The following ARID1A variants were observed in gnomAD, a reference collection of about 807,000 sequenced individuals.
ARID1A encodes AT-rich interactive domain-containing protein 1A.
A neutral mutation model predicts 212.6 loss-of-function variants in ARID1A; 20 were observed. The ratio of observed to expected loss-of-function variants is 0.09; its 90% CI spans 0.07 to 0.14. The LOEUF (loss-of-function observed/expected upper bound fraction) is 0.14, where lower values mean the gene tolerates loss of function less well. Among genes scored for constraint, ARID1A ranks in the 10% least tolerant of loss-of-function variants. The pLI is 1.00. For missense variants in ARID1A, 2,587 were observed against 3,059.0 expected (o/e 0.85, Z 3.64); for synonymous variants, 1,376 against 1,222.1 (o/e 1.13, Z -2.63).
chr1:26,759,201 G>GTGTT (rs1010278743), intron 4 of ARID1A, among the ~76,000 whole-genome samples: 21 of 152,008 alleles, frequency 1.4e-4, no homozygotes, highest in African/African-American at 2.7e-4. Flanking sequence ...TTGTTTTTGT[G>GTGTT]TGTTTGTTTG....
intron 1 of ARID1A, among the ~76,000 whole-genome samples, chr1:26,705,876 A>G (rs1482371422): frequency 6.6e-6 from 1 of 152,168 alleles, no homozygotes; most frequent in African/African-American, 2.4e-5. Flanking sequence ...TGGCTTCTGC[A>G]TTTTCTAAGG....
At position 26,697,330 on chromosome 1, in the gene ARID1A, G is replaced by A. The variant is rs773053567; in HGVS notation, c.927G>A (p.Gln309=). The A allele has an allele frequency of 6.6e-5, 88 of 1,336,344 alleles. No homozygotes were observed. The highest frequency in any genetic ancestry group is 8.1e-5 in the Admixed American group (2 of 24,838). 82.8% of individuals were successfully genotyped at this position (1,336,344 alleles called of 1,614,324 possible). The change falls in exon 1 of 20, where the codon CAG becomes CAA. Residue 309 remains glutamine, a synonymous_variant. Coordinates refer to ENST00000324856, the MANE Select transcript of ARID1A (RefSeq NM_006015.6). ...LTSPSSARGY[Q]GYPGGDYSGG... The stretch of plus-strand genomic sequence containing the variant: ...CGCCCAGCTCGGCCCGGGGCTACCA[G>A]GGCTACCCCGGGGGCGACTACAGTG...
chr1:26,716,507 T>G (rs1379799812), intron 1 of ARID1A, among the ~76,000 whole-genome samples: 2 of 152,200 alleles, frequency 1.3e-5, no homozygotes, highest in African/African-American at 4.8e-5. Flanking sequence ...CTTGAGATCT[T>G]AGGATGGGTG....
chr1:26,782,040 C>T lies in ARID1A; in HGVS notation c.*1284C>T, dbSNP rs1165063956. The T allele has an allele frequency of 4.3e-6, 1 of 231,216 alleles. No individual in the cohort carries two copies. The highest frequency in any genetic ancestry group is 8.6e-6 in the Non-Finnish European group (1 of 116,716). 14.3% of individuals were successfully genotyped at this position (231,216 alleles called of 1,614,324 possible). A position where few individuals can be genotyped will look rare whatever the true frequency, so the allele number is the denominator to read the frequency against. ...TTTGGCTTAATGAATATCATTTATT[C>T]AGTATGAAATCTTTATACTATATGT... On this transcript the variant is annotated 3_prime_UTR_variant, in exon 20 of 20. Transcript: ENST00000324856.
At position 26,780,626 on chromosome 1, in the gene ARID1A, A is replaced by C. The variant is rs770921107; in HGVS notation, c.6728A>C (p.Lys2243Thr). 4 of 1,613,244 alleles carry C rather than the reference A, an allele frequency of 2.5e-6. No homozygotes were observed. The highest frequency in any genetic ancestry group is 3.4e-6 in the Non-Finnish European group (4 of 1,180,006). ...GCCCGCGCGCTGCTTGCCTTGGCCA[A>C]GGTGGACGAGAACCACTCAGAGTTT... ...RAARALLALA[K>T]VDENHSEFTL... is the part of the protein sequence containing the mutation. Residue 2243 changes from lysine (K) to threonine (T), a missense_variant, in exon 20 of 20, where the codon AAG becomes ACG. By Grantham distance (78) the Lys-to-Thr change is moderately conservative. Coordinates refer to ENST00000324856, the MANE Select transcript of ARID1A (RefSeq NM_006015.6). The surrounding 1 kb of genome is among the most constrained non-coding windows in gnomAD (Gnocchi z 7.2).
chr1:26,756,398 A>T lies in ARID1A; in HGVS notation c.1921-4458A>T, dbSNP rs1267956294. 5.9e-5 allele frequency among the ~76,000 whole-genome samples: 9 copies of T among 152,126 alleles called. No individual in the cohort carries two copies. In the East Asian group the frequency reaches 1.8e-3, roughly 30 times the overall value. ...TGTTGAAACCCCGTCTCTACTAAAAATACAAAAATTAACTGGGTGTGGTGG... is the reference window on the plus strand; with the variant it reads ...TGTTGAAACCCCGTCTCTACTAAAATTACAAAAATTAACTGGGTGTGGTGG... On this transcript the variant is annotated intron_variant, in intron 4 of 19. Coordinates refer to ENST00000324856, the MANE Select transcript of ARID1A (RefSeq NM_006015.6).
rs2124097906 is a variant in ARID1A at position 26,771,260 on chromosome 1, C to G, written c.3340C>G (p.Pro1114Ala). The stretch of plus-strand genomic sequence containing the variant: ...CAAGATTGAACGGGGAGAAGACCCT[C>G]CCCCAGACATCTTTGCAGCTGCTGA... ...ECKIERGEDP[P>A]PDIFAAADSK... The change falls in exon 12 of 20, where the codon CCC becomes GCC. Residue 1114 changes from proline to alanine, a missense_variant. Around this residue, in one of 11 missense-constraint regions of ARID1A, gnomAD observed 890 missense variants for 1,098.2 expected, o/e 0.81. Coordinates refer to ENST00000324856, the MANE Select transcript of ARID1A (RefSeq NM_006015.6). This position sits in a 1 kb window ranked among gnomAD's most constrained non-coding sequence, Gnocchi z 5.4. 1.2e-6 allele frequency: 2 copies of G among 1,614,192 alleles called. No individual in the cohort carries two copies. The highest frequency in any genetic ancestry group is 2.7e-5 in the African/African-American group (2 of 75,040).
intron 1 of ARID1A, among the ~76,000 whole-genome samples, chr1:26,717,281 G>A (rs2080512564): frequency 6.6e-6 from 1 of 152,190 alleles, no homozygotes; most frequent in Admixed American, 6.5e-5. Flanking sequence ...CTCCTATTGA[G>A]GGTGCAGAGA....
chr1:26,701,196 A>G (rs1001532409), intron 1 of ARID1A, among the ~76,000 whole-genome samples: 1 of 152,338 alleles, frequency 6.6e-6, no homozygotes, highest in Non-Finnish European at 1.5e-5. Context: ...TCCTGTTCCC[A>G]TCCCTCAAAA....
rs201173666 is a variant in ARID1A, at chr1:26,725,416, G to A, written c.1138-4235G>A. Reference sequence around the variant, plus strand: ...TTCACGATGGTTTTAAATGTCATAAGTGTGAGTTATGTCCCTGCTCACCTC... The same window carrying A: ...TTCACGATGGTTTTAAATGTCATAAATGTGAGTTATGTCCCTGCTCACCTC... On this transcript the variant is annotated intron_variant, in intron 1 of 19. Coordinates refer to ENST00000324856, the MANE Select transcript of ARID1A (RefSeq NM_006015.6). Among the ~76,000 whole-genome samples the A allele has an allele frequency of 3.3e-5, 5 of 152,302 alleles. No homozygotes were observed. The East Asian group carries it at 9.6e-4, about 29-fold the overall frequency.
intron 1 of ARID1A, among the ~76,000 whole-genome samples, chr1:26,700,676 T>A (rs1408207182): frequency 6.6e-6 from 1 of 152,234 alleles, no homozygotes; most frequent in Non-Finnish European, 1.5e-5. Flanking sequence ...TGGTTGTTAG[T>A]TTCTACTACG....
At position 26,775,109 on chromosome 1, in the gene ARID1A, G is replaced by T. The variant is rs893433709; in HGVS notation, c.4882G>T (p.Ala1628Ser). The change falls in exon 18 of 20, where the codon GCC becomes TCC. Residue 1628 changes from alanine (A) to serine (S), a missense_variant. Coordinates refer to ENST00000324856, the MANE Select transcript of ARID1A (RefSeq NM_006015.6). Reference sequence around the variant, plus strand: ...AGTACCTGCCTCGCACATAGCACCTGCCCCTGTGCAGCCCCCCATGATTCG... The same window carrying T: ...AGTACCTGCCTCGCACATAGCACCTTCCCCTGTGCAGCCCCCCATGATTCG... ...PPVPASHIAP[A>S]PVQPPMIRRD... is the part of the protein sequence containing the mutation. The T allele has an allele frequency of 6.2e-7, 1 of 1,614,094 alleles. No homozygotes were observed. The highest frequency in any genetic ancestry group is 8.5e-7 in the Non-Finnish European group (1 of 1,179,996).
chr1:26,700,316 T>C (rs2080320043), intron 1 of ARID1A, among the ~76,000 whole-genome samples: 1 of 152,260 alleles, frequency 6.6e-6, no homozygotes. Context: ...AAGAATATTT[T>C]GCAGAGACTT....
Position 26,766,480 on chromosome 1 carries a change from A to G in ARID1A, c.2902A>G (p.Met968Val), listed in dbSNP as rs747193695. Reference protein sequence around the residue: ...SAGMAASPEMMGLGDVKLTPA... With the variant: ...SAGMAASPEMVGLGDVKLTPA... ...AGGGATGGCAGCCAGCCCAGAGATG[A>G]TGGGCCTTGGGGATGTAAAGTTAAC... is the stretch of plus-strand genomic sequence containing the variant. Residue 968 changes from methionine to valine, a missense_variant, in exon 10 of 20, where the codon ATG (methionine) becomes GTG (valine). Met to Val is a conservative substitution (Grantham distance 21). Coordinates refer to ENST00000324856, the MANE Select transcript of ARID1A (RefSeq NM_006015.6). The G allele has an allele frequency of 1.2e-6, 2 of 1,614,166 alleles. No homozygotes were observed. Among genetic ancestry groups the G allele is most frequent in the Non-Finnish European group, 8.5e-7 (1 of 1,180,038 alleles).
rs778172809 is a variant in ARID1A at position 26,775,228 on chromosome 1, G to A, written c.4993+8G>A. 9.5e-6 allele frequency: 15 copies of A among 1,571,034 alleles called. No homozygotes were observed. The East Asian group carries it at 3.4e-4, about 35-fold the overall frequency. On this transcript the variant is annotated splice_region_variant and intron_variant, in intron 18 of 19. Coordinates refer to ENST00000324856, the MANE Select transcript of ARID1A (RefSeq NM_006015.6). ...TCACAATGAAAGACATTGGTAAGGA[G>A]ATCTTCCTCATTCGGTTGCCTAATC...
chr1:26,728,314 C>T (rs1290383916), intron 1 of ARID1A, among the ~76,000 whole-genome samples: 1 of 152,120 alleles, frequency 6.6e-6, no homozygotes, highest in African/African-American at 2.4e-5. Flanking sequence ...TGTTTTCTTT[C>T]ATGAAAGCTC....
rs2124127401 is a variant in ARID1A at position 26,775,714 on chromosome 1, A to T, written c.5124+7A>T. On this transcript the variant is annotated splice_region_variant and intron_variant, in intron 19 of 19. Coordinates refer to ENST00000324856, the MANE Select transcript of ARID1A (RefSeq NM_006015.6). ...GACCTTCAACCTCAGTCAGGTGAGT[A>T]TCAGTGCCTGGGGAAGATTGAGAGG... The T allele has an allele frequency of 6.2e-7, 1 of 1,614,212 alleles. No homozygotes were observed. Among genetic ancestry groups the T allele is most frequent in the Non-Finnish European group, 8.5e-7 (1 of 1,180,028 alleles).
chr1:26,749,616 C>T (rs1295591776), intron 4 of ARID1A, among the ~76,000 whole-genome samples: 1 of 152,228 alleles, frequency 6.6e-6, no homozygotes, highest in Non-Finnish European at 1.5e-5. Flanking sequence ...CCCAGAGGGT[C>T]AGACCTGCCT....
At chr1:26,733,995 T>A (rs1017195705) in intron 4 of ARID1A, among the ~76,000 whole-genome samples, 1 of 152,212 alleles carries the variant, frequency 6.6e-6, no homozygotes, top group Non-Finnish European at 1.5e-5. Context: ...GTGTTCAGGC[T>A]TCTGAGGCCA....
Sources: allele counts gnomAD v4.1 joint callset (sites outside exome capture counted in the v4.1 genomes callset), GRCh38; gene constraint gnomAD v4.1.1; regional missense constraint gnomAD v4.1.1; non-coding constraint Gnocchi (gnomAD v3.1); transcripts MANE v1.5; gene names NCBI Gene and HGNC (gene_info 2026-07-23, HGNC 2026-07-21).